The following C1orf54 variants were observed in gnomAD, a reference collection of about 807,000 sequenced individuals.
C1orf54 encodes the protein uncharacterized protein C1orf54.
C1orf54 carries 12 observed loss-of-function variants against 14.7 expected under a neutral mutation model. The ratio of observed to expected loss-of-function variants is 0.82; its 90% CI spans 0.52 to 1.32. The LOEUF is 1.32. Ranked by LOEUF, C1orf54 falls within the 40% of genes most tolerant of loss-of-function variation. C1orf54 has a pLI of 0.00. For synonymous variants in C1orf54, 65 were observed against 56.3 expected (o/e 1.16, Z -0.70); for missense variants, 163 against 162.2 (o/e 1.00, Z -0.03).
chr1:150,269,514 A>C (rs1652050432), upstream of C1orf54: 2 of 152,332 alleles, frequency 1.3e-5, no homozygotes, highest in South Asian at 4.1e-4. Context: ...TCGCTAATGA[A>C]GCCTTCATCT....
upstream of C1orf54, chr1:150,268,753 G>A: frequency 6.2e-7 from 1 of 1,613,920 alleles, no homozygotes; most frequent in Non-Finnish European, 8.5e-7. Context: ...ATCAAGAAAA[G>A]CGCGAAGGCC....
At chr1:150,275,142 T>C (rs1223482730) in intron 2 of C1orf54, among the ~76,000 whole-genome samples, 2 of 151,584 alleles carry the variant, frequency 1.3e-5, no homozygotes, top group Non-Finnish European at 2.9e-5. Context: ...GGCTTCCAGC[T>C]ATTCTCTTGC....
intron 2 of C1orf54, among the ~76,000 whole-genome samples, 166 bp downstream of exon 2, chr1:150,274,336 C>A (rs1468238888): frequency 1.3e-5 from 2 of 152,144 alleles, no homozygotes; most frequent in African/African-American, 2.4e-5. Flanking sequence ...CGTGGTGGCT[C>A]ACACCTGTAA....
intron 4 of C1orf54, among the ~76,000 whole-genome samples, chr1:150,278,791 G>A (rs904207935): frequency 6.6e-6 from 1 of 152,104 alleles, no homozygotes; most frequent in East Asian, 1.9e-4. Context: ...TAAAGAGTGA[G>A]TACATTATGA....
upstream of C1orf54, among the ~76,000 whole-genome samples, chr1:150,271,469 A>G (rs1195035620): frequency 6.6e-6 from 1 of 152,244 alleles, no homozygotes; most frequent in Non-Finnish European, 1.5e-5. Flanking sequence ...CTGTAAACCT[A>G]TCTTGTTCAT....
chr1:150,270,865 G>A (rs1165079454), upstream of C1orf54, among the ~76,000 whole-genome samples: 4 of 150,784 alleles, frequency 2.7e-5, no homozygotes, highest in African/African-American at 4.9e-5. Flanking sequence ...GCGTGGTGGC[G>A]GGCGCCTGTA....
upstream of C1orf54, chr1:150,268,827 A>C (rs1651985196): frequency 6.3e-7 from 1 of 1,586,790 alleles, no homozygotes; most frequent in Non-Finnish European, 8.6e-7. Context: ...TCAGGTGGGA[A>C]GGGGGGTGGG....
At chr1:150,278,953 C>T (rs938746059) in intron 4 of C1orf54, among the ~76,000 whole-genome samples, 1 of 152,326 alleles carries the variant, frequency 6.6e-6, no homozygotes, top group African/African-American at 2.4e-5. Context: ...GAAAGATTGA[C>T]AATAAGGGCA....
In C1orf54 at chr1:150,276,608, T is replaced by C. The variant is rs781919681; in HGVS notation, c.276T>C (p.Thr92=). 6.2e-7 allele frequency: 1 copy of C among 1,614,010 alleles called. No homozygotes were observed. Among genetic ancestry groups the C allele is most frequent in the East Asian group, 2.2e-5 (1 of 44,876 alleles). ...GTGCAGACCATCCGAAGCCTGTAAC[T>C]GTGAAACCAGTAACAACGGAACCTG... ...TARADHPKPV[T]VKPVTTEPSP... is the part of the protein sequence containing the mutation. The change falls in exon 4 of 6, where the codon ACT becomes ACC. Residue 92 remains threonine, a synonymous_variant. Coordinates refer to ENST00000369099, the MANE Select transcript of C1orf54 (RefSeq NM_024579.4).
intron 4 of C1orf54, among the ~76,000 whole-genome samples, chr1:150,278,680 A>T (rs1157620456): frequency 1.1e-4 from 17 of 152,240 alleles, no homozygotes; most frequent in Admixed American, 5.9e-4. Flanking sequence ...AATATAATCC[A>T]TCAAAAGCTA....
At chr1:150,272,603 C>G (rs1652288381), upstream of C1orf54, 1 of 583,148 alleles carries the variant, frequency 1.7e-6, no homozygotes, top group East Asian at 2.9e-5. Context: ...ATCAAAACCC[C>G]CTTTTGCCTC....
At position 150,272,973 on chromosome 1, in the gene C1orf54, G is replaced by A; in HGVS notation, c.46+110G>A. On this transcript the variant is annotated intron_variant, in intron 1 of 5. Coordinates refer to ENST00000369099, the MANE Select transcript of C1orf54 (RefSeq NM_024579.4). ...AGGTACATTTCAGTGGGGAGCGATA[G>A]AGTTTTCTCATCGTGCTGGGGTCCG... is the stretch of plus-strand genomic sequence containing the variant. The A allele has an allele frequency of 4.9e-6, 6 of 1,234,082 alleles. No homozygotes were observed. The South Asian group carries it at 7.4e-5, about 15-fold the overall frequency. 76.4% of individuals were successfully genotyped at this position (1,234,082 alleles called of 1,614,324 possible).
At chr1:150,269,743 A>G (rs1652064886), upstream of C1orf54, among the ~76,000 whole-genome samples, 1 of 151,536 alleles carries the variant, frequency 6.6e-6, no homozygotes, top group Admixed American at 6.6e-5. Context: ...TGAGGCTGAG[A>G]GGGGTTGTAT....
At chr1:150,273,248 A>G (rs782479373) in intron 1 of C1orf54, among the ~76,000 whole-genome samples, 8 of 152,224 alleles carry the variant, frequency 5.3e-5, no homozygotes, top group Non-Finnish European at 1.2e-4. Context: ...AATTGGAGAA[A>G]AAAACCTGCT....
At chr1:150,280,611 G>C (rs950174697) in intron 5 of C1orf54, among the ~76,000 whole-genome samples, 9 of 152,158 alleles carry the variant, frequency 5.9e-5, no homozygotes, top group African/African-American at 1.9e-4. Context: ...TATAGGAAAA[G>C]AATTTTTAAA....
rs587726893 is a variant in C1orf54, at chr1:150,272,984, T to C, written c.46+121T>C. On this transcript the variant is annotated intron_variant, in intron 1 of 5. Coordinates refer to ENST00000369099, the MANE Select transcript of C1orf54 (RefSeq NM_024579.4). ...AGTGGGGAGCGATAGAGTTTTCTCA[T>C]CGTGCTGGGGTCCGGTGTTGAGGGC... 147 of 1,151,084 alleles carry C rather than the reference T, an allele frequency of 1.3e-4. 1 individual carries two copies. The South Asian group carries it at 1.8e-3, about 14-fold the overall frequency. 71.3% of individuals were successfully genotyped at this position (1,151,084 alleles called of 1,614,324 possible). A position where few individuals can be genotyped will look rare whatever the true frequency, so the allele number is the denominator to read the frequency against.
intron 3 of C1orf54, among the ~76,000 whole-genome samples, chr1:150,276,108 C>T (rs888632612): frequency 4.0e-5 from 6 of 151,244 alleles, no homozygotes; most frequent in Non-Finnish European, 8.8e-5. Flanking sequence ...CACTGCACTC[C>T]AGCCTGGGTG....
At position 150,274,128 on chromosome 1, in the gene C1orf54, T is replaced by C. The variant is rs782757175; in HGVS notation, c.88T>C (p.Tyr30His). 2 of 1,612,728 alleles carry C rather than the reference T, an allele frequency of 1.2e-6. No individual in the cohort carries two copies. Among genetic ancestry groups the C allele is most frequent in the East Asian group, 4.5e-5 (2 of 44,868 alleles). Residue 30 changes from tyrosine (Y) to histidine (H), a missense_variant, in exon 2 of 6, where the codon TAT (tyrosine) becomes CAT (histidine). Coordinates refer to ENST00000369099, the MANE Select transcript of C1orf54 (RefSeq NM_024579.4). The stretch of plus-strand genomic sequence containing the variant: ...TGAAGAAAGACTGGGAGAGGATGAA[T>C]ATTATCAGGTGGTCTATTATTATAC... ...EDEERLGEDE[Y>H]YQVVYYYTVT... is the part of the protein sequence containing the mutation.
At chr1:150,279,840 T>C in intron 5 of C1orf54, 99 bp downstream of exon 5, 1 of 1,033,786 alleles carries the variant, frequency 9.7e-7, no homozygotes, top group Admixed American at 2.1e-5. Context: ...CTCTAGTTAG[T>C]GTTTCCAGCC....
Sources: gnomAD v4.1 joint callset for allele counts (sites outside exome capture counted in the v4.1 genomes callset) on GRCh38, gnomAD v4.1.1 for gene constraint, MANE v1.5 for transcripts, NCBI Gene and HGNC (gene_info 2026-07-23, HGNC 2026-07-21) for gene names.